The following NRXN3 variants were observed in gnomAD, a reference collection of about 807,000 sequenced individuals.
The protein encoded by NRXN3 is neurexin III.
A neutral mutation model predicts 137.6 loss-of-function variants in NRXN3; 32 were observed. The ratio of observed to expected loss-of-function variants is 0.23; its 90% CI spans 0.18 to 0.31. NRXN3 has a LOEUF of 0.31. NRXN3 is among the 10% of genes least tolerant of loss of function. The pLI, the probability that NRXN3 is intolerant of heterozygous loss-of-function variation, is 1.00. For missense variants in NRXN3, 1,574 were observed against 2,062.5 expected (o/e 0.76, Z 4.59); for synonymous variants, 798 against 784.5 (o/e 1.02, Z -0.29).
intron 15 of NRXN3, among the ~76,000 whole-genome samples, chr14:79,386,432 C>T (rs1436291056): frequency 6.6e-6 from 1 of 152,068 alleles, no homozygotes; most frequent in African/African-American, 2.4e-5. Context: ...CTACAAACCA[C>T]TGCTCAATGA....
At chr14:78,705,803 C>T (rs1284334934) in intron 6 of NRXN3, among the ~76,000 whole-genome samples, 4 of 152,152 alleles carry the variant, frequency 2.6e-5, no homozygotes, top group South Asian at 4.1e-4. Flanking sequence ...AGTGAAAACT[C>T]CATATAAATA....
intron 16 of NRXN3, among the ~76,000 whole-genome samples, chr14:79,468,790 A>C (rs2096462642): frequency 6.6e-6 from 1 of 152,144 alleles, no homozygotes; most frequent in Non-Finnish European, 1.5e-5. Context: ...TCAGGGCAAG[A>C]CTCTGCTTAG....
intron 19 of NRXN3, among the ~76,000 whole-genome samples, chr14:79,767,074 T>C (rs1311078977): frequency 1.3e-5 from 2 of 152,308 alleles, no homozygotes; most frequent in East Asian, 3.9e-4. Context: ...TGCAAATTCT[T>C]GTTCTTGTGT....
At chr14:79,009,655 C>T (rs556026297) in intron 15 of NRXN3, among the ~76,000 whole-genome samples, 1 of 152,232 alleles carries the variant, frequency 6.6e-6, no homozygotes, top group African/African-American at 2.4e-5. Flanking sequence ...AAATTCTGTC[C>T]TTTTTCCCAT....
intron 4 of NRXN3, among the ~76,000 whole-genome samples, chr14:78,522,652 A>T (rs539389293): frequency 4.7e-4 from 71 of 152,298 alleles, no homozygotes; most frequent in African/African-American, 1.7e-3. Flanking sequence ...ACTCATTTGT[A>T]GTCGGGGTTG....
intron 2 of NRXN3, among the ~76,000 whole-genome samples, chr14:78,252,404 C>T (rs1426801871): frequency 6.6e-6 from 1 of 152,160 alleles, no homozygotes; most frequent in Non-Finnish European, 1.5e-5. Context: ...ATGTAAAGCT[C>T]CTGGCTCAAG....
chr14:79,082,255 C>T (rs2047184430), intron 15 of NRXN3, among the ~76,000 whole-genome samples: 1 of 152,056 alleles, frequency 6.6e-6, no homozygotes. Context: ...TTTGACAGAG[C>T]ACCCCTAAAC....
At chr14:78,635,818 A>G (rs17107982) in intron 4 of NRXN3, among the ~76,000 whole-genome samples, 11,634 of 152,226 alleles carry the variant, frequency 0.076, 536 homozygotes, top group Middle Eastern at 0.15. Flanking sequence ...AAACTTATTT[A>G]TAGGAAGTCA....
At chr14:78,184,563 C>T (rs1381817159) in intron 1 of NRXN3, among the ~76,000 whole-genome samples, 1 of 152,214 alleles carries the variant, frequency 6.6e-6, no homozygotes, top group Admixed American at 6.5e-5. Flanking sequence ...CTGTTTTAGA[C>T]AGTGGGAAAG....
At chr14:78,582,081 T>A (rs776374387) in intron 4 of NRXN3, among the ~76,000 whole-genome samples, 45 of 152,240 alleles carry the variant, frequency 3.0e-4, no homozygotes, top group Non-Finnish European at 6.0e-4. Context: ...AGAAAGAAAG[T>A]GCATCCATAT....
At chr14:79,772,771 A>C (rs2099083100) in intron 19 of NRXN3, among the ~76,000 whole-genome samples, 3 of 152,096 alleles carry the variant, frequency 2.0e-5, no homozygotes, top group Admixed American at 2.0e-4. Flanking sequence ...GCCAAAATTG[A>C]CAAATGGGAT....
intron 16 of NRXN3, among the ~76,000 whole-genome samples, chr14:79,503,130 GTTAC>G (rs912240594): frequency 6.6e-6 from 1 of 152,100 alleles, no homozygotes; most frequent in Non-Finnish European, 1.5e-5. Context: ...AAATTTGATA[GTTAC>G]TTATCTATCT....
chr14:78,575,804 A>G (rs2096930693), intron 4 of NRXN3, among the ~76,000 whole-genome samples: 1 of 152,226 alleles, frequency 6.6e-6, no homozygotes, highest in Non-Finnish European at 1.5e-5. Context: ...ATGGATAGAC[A>G]GGAAGCCCAG....
At chr14:79,115,774 A>G (rs933880874) in intron 15 of NRXN3, among the ~76,000 whole-genome samples, 1 of 152,202 alleles carries the variant, frequency 6.6e-6, no homozygotes, top group Non-Finnish European at 1.5e-5. Context: ...CAGTCTTTTC[A>G]TTAGATTTGT....
chr14:79,196,826 A>G (rs2153195480), intron 15 of NRXN3, among the ~76,000 whole-genome samples: 1 of 152,352 alleles, frequency 6.6e-6, no homozygotes, highest in Non-Finnish European at 1.5e-5. Context: ...TATCCATGCA[A>G]TATGCTGCAT....
chr14:79,179,586 C>A (rs4903835), intron 15 of NRXN3, among the ~76,000 whole-genome samples: 5,440 of 152,176 alleles, frequency 0.036, 248 homozygotes, highest in East Asian at 0.22. Flanking sequence ...CCAGATGATT[C>A]TGATGTTATA....
At chr14:78,688,174 T>C (rs1294067531) in intron 6 of NRXN3, among the ~76,000 whole-genome samples, 5 of 152,314 alleles carry the variant, frequency 3.3e-5, no homozygotes, top group African/African-American at 7.2e-5. Context: ...TCAGGACTTA[T>C]AGGTACCTGT....
chr14:79,147,665 A>G (rs188841770), intron 15 of NRXN3, among the ~76,000 whole-genome samples: 89 of 152,226 alleles, frequency 5.8e-4, no homozygotes, highest in Middle Eastern at 3.4e-3. Flanking sequence ...AAGCAGAGGC[A>G]TATTTTGTTT....
chr14:79,241,690 C>G (rs1474601866), intron 15 of NRXN3, among the ~76,000 whole-genome samples: 1 of 152,136 alleles, frequency 6.6e-6, no homozygotes, highest in Non-Finnish European at 1.5e-5. Context: ...GTAATGAAAA[C>G]AACAATAACA....
Sources: gnomAD v4.1 joint callset for allele counts (sites outside exome capture counted in the v4.1 genomes callset) on GRCh38, gnomAD v4.1.1 for gene constraint, MANE v1.5 for transcripts, NCBI Gene and HGNC (gene_info 2026-07-23, HGNC 2026-07-21) for gene names.